KCNAB1: variants seen among roughly 807,000 people sequenced by gnomAD.
KCNAB1 encodes potassium voltage-gated channel subfamily A regulatory beta subunit 1.
KCNAB1 carries 35 observed loss-of-function variants against 64.6 expected under a neutral mutation model. That is an observed-to-expected ratio of 0.54 (90% CI 0.41 to 0.72). KCNAB1 has a LOEUF of 0.72. KCNAB1 is among the 30% of genes least tolerant of loss of function. The probability of loss-of-function intolerance (pLI) is 0.00; values close to 1 mark genes in which losing one functional copy is unlikely to be tolerated. For synonymous variants in KCNAB1, 177 were observed against 183.8 expected (o/e 0.96, Z 0.30); for missense variants, 401 against 512.9 (o/e 0.78, Z 2.11).
chr3:156,273,027 G>A (rs868057389), intron 1 of KCNAB1, among the ~76,000 whole-genome samples: 8 of 152,096 alleles, frequency 5.3e-5, no homozygotes, highest in Middle Eastern at 3.4e-3. Context: ...CCCGGAAAGG[G>A]GGCCTTGCAC....
chr3:156,145,385 G>A (rs2108286055), intron 1 of KCNAB1, among the ~76,000 whole-genome samples: 1 of 152,118 alleles, frequency 6.6e-6, no homozygotes, highest in East Asian at 1.9e-4. Flanking sequence ...TAAGACACTC[G>A]CTTACTGCCC....
At chr3:156,210,018 C>T (rs1161233954) in intron 1 of KCNAB1, among the ~76,000 whole-genome samples, 1 of 152,172 alleles carries the variant, frequency 6.6e-6, no homozygotes, top group Non-Finnish European at 1.5e-5. Context: ...ATACATTGTG[C>T]CAGTTTCCCT....
chr3:156,127,964 T>C (rs1713761917), intron 1 of KCNAB1, among the ~76,000 whole-genome samples: 1 of 151,954 alleles, frequency 6.6e-6, no homozygotes, highest in East Asian at 1.9e-4. Context: ...TGTGGACACC[T>C]GGAAGGCAGT....
intron 1 of KCNAB1, among the ~76,000 whole-genome samples, chr3:156,371,969 G>A (rs1726333642): frequency 6.6e-6 from 1 of 152,168 alleles, no homozygotes; most frequent in Non-Finnish European, 1.5e-5. Flanking sequence ...ATAAAACCTT[G>A]TGACTGGTTT....
chr3:156,466,627 T>A (rs931922201), intron 7 of KCNAB1, among the ~76,000 whole-genome samples: 19 of 152,060 alleles, frequency 1.2e-4, no homozygotes, highest in African/African-American at 4.3e-4. Flanking sequence ...CTGAGTAGTA[T>A]ACTATACTGT....
chr3:156,385,313 T>G (rs1437649360), intron 1 of KCNAB1, among the ~76,000 whole-genome samples: 1 of 152,128 alleles, frequency 6.6e-6, no homozygotes, highest in Non-Finnish European at 1.5e-5. Flanking sequence ...CCCCACTCCT[T>G]GTTTCTAAAA....
At chr3:156,250,956 C>A (rs1207953168) in intron 1 of KCNAB1, among the ~76,000 whole-genome samples, 1 of 152,078 alleles carries the variant, frequency 6.6e-6, no homozygotes, top group African/African-American at 2.4e-5. Flanking sequence ...TTTCTTTTAT[C>A]TGCCCAGGAT....
At chr3:156,335,852 G>GTT (rs1560202405) in intron 1 of KCNAB1, among the ~76,000 whole-genome samples, 5 of 114,834 alleles carry the variant, frequency 4.4e-5, no homozygotes, top group African/African-American at 1.5e-4. Context: ...AAATTGTTTG[G>GTT]GTTTTTTTTT....
chr3:156,438,294 C>T (rs141585793), intron 2 of KCNAB1, among the ~76,000 whole-genome samples: 3 of 152,342 alleles, frequency 2.0e-5, no homozygotes, highest in African/African-American at 7.2e-5. Context: ...GAGAGCAGGG[C>T]AGATGCCACT....
At chr3:156,119,962 C>T (rs1161418260), upstream of KCNAB1, among the ~76,000 whole-genome samples, 2 of 152,156 alleles carry the variant, frequency 1.3e-5, no homozygotes, top group African/African-American at 4.8e-5. Flanking sequence ...GTCAGAAGTG[C>T]TGGGAGGGGC....
At chr3:156,124,855 G>A (rs573175864) in intron 1 of KCNAB1, among the ~76,000 whole-genome samples, 3 of 152,026 alleles carry the variant, frequency 2.0e-5, no homozygotes, top group South Asian at 2.1e-4. Context: ...AAGAATGGTC[G>A]TAGGCCGGGC....
At chr3:156,514,971 ATT>A in intron 9 of KCNAB1, 127 bp from the exon 10 acceptor site, 1 of 865,836 alleles carries the variant, frequency 1.2e-6, no homozygotes, top group Non-Finnish European at 1.7e-6. Context: ...TTTGCTTATT[ATT>A]TGGCATCCTA....
chr3:156,531,700 G>C (rs778670939), intron 13 of KCNAB1, among the ~76,000 whole-genome samples: 40 of 152,336 alleles, frequency 2.6e-4, no homozygotes, highest in Admixed American at 5.9e-4. Context: ...CTCATTTCTT[G>C]GGATGGTTTG....
chr3:156,180,948 G>A (rs1712767611), intron 1 of KCNAB1, among the ~76,000 whole-genome samples: 1 of 152,190 alleles, frequency 6.6e-6, no homozygotes, highest in Non-Finnish European at 1.5e-5. Context: ...CTGGACAGTG[G>A]AAGTCTGAGA....
At chr3:156,519,302 T>C (rs1717778582) in intron 11 of KCNAB1, among the ~76,000 whole-genome samples, 1 of 152,240 alleles carries the variant, frequency 6.6e-6, no homozygotes, top group South Asian at 2.1e-4. Context: ...TCATAAAGCA[T>C]TCAAGGAAAT....
intron 11 of KCNAB1, among the ~76,000 whole-genome samples, chr3:156,516,864 A>C (rs1717597362): frequency 6.6e-6 from 1 of 152,176 alleles, no homozygotes; most frequent in Non-Finnish European, 1.5e-5. Flanking sequence ...AGAAGGGAAG[A>C]CTTCAGGAGA....
At chr3:156,262,223 C>CATCCTTT (rs1718472152) in intron 1 of KCNAB1, among the ~76,000 whole-genome samples, 1 of 151,882 alleles carries the variant, frequency 6.6e-6, no homozygotes, top group Non-Finnish European at 1.5e-5. Flanking sequence ...TTAGCTAAAA[C>CATCCTTT]ATCCTTTACA....
At chr3:156,292,428 G>T (rs1161919381) in intron 1 of KCNAB1, among the ~76,000 whole-genome samples, 4 of 152,182 alleles carry the variant, frequency 2.6e-5, no homozygotes, top group African/African-American at 4.8e-5. Flanking sequence ...TTTAGATCAG[G>T]ATAGTTTTTC....
At chr3:156,348,182 T>C (rs192559192) in intron 1 of KCNAB1, among the ~76,000 whole-genome samples, 86 of 152,250 alleles carry the variant, frequency 5.6e-4, no homozygotes, top group Non-Finnish European at 1.0e-3. Context: ...TGTGGTCTTT[T>C]GGAGGCTATG....
Sources: gnomAD v4.1 joint callset for allele counts (sites outside exome capture counted in the v4.1 genomes callset) on GRCh38, gnomAD v4.1.1 for gene constraint, MANE v1.5 for transcripts, NCBI Gene and HGNC (gene_info 2026-07-23, HGNC 2026-07-21) for gene names.